USH2A: variants seen among roughly 807,000 people sequenced by gnomAD.
USH2A encodes usherin, also known as Usher syndrome 2A (autosomal recessive, mild).
In USH2A, 443 loss-of-function variants were observed where a neutral mutation model predicts 538.9. That is an observed-to-expected ratio of 0.82 (90% CI 0.76 to 0.89). The LOEUF (loss-of-function observed/expected upper bound fraction) is 0.89. Among genes scored for constraint, USH2A ranks in the 40% least tolerant of loss-of-function variants. USH2A has a pLI of 0.00. For synonymous variants in USH2A, 2,413 were observed against 2,273.5 expected (o/e 1.06, Z -1.75); for missense variants, 6,633 against 6,324.8 (o/e 1.05, Z -1.65).
At chr1:216,282,927 C>T (rs896414664) in intron 11 of USH2A, among the ~76,000 whole-genome samples, 2 of 152,102 alleles carry the variant, frequency 1.3e-5, no homozygotes, top group East Asian at 3.8e-4. Context: ...TTTTACACTT[C>T]TTTTACTAAA....
At chr1:215,628,724 G>T in intron 71 of USH2A, 90 bp downstream of exon 71, 2 of 1,368,684 alleles carry the variant, frequency 1.5e-6, no homozygotes, top group South Asian at 2.3e-5. Flanking sequence ...CGAGTGCCAT[G>T]GGGCAGCATT....
intron 22 of USH2A, among the ~76,000 whole-genome samples, chr1:216,092,868 G>T (rs1360644233): frequency 6.6e-6 from 1 of 152,008 alleles, no homozygotes; most frequent in African/African-American, 2.4e-5. Flanking sequence ...GAAAACTCAA[G>T]CAGTTTTACC....
intron 61 of USH2A, among the ~76,000 whole-genome samples, chr1:215,697,032 A>G (rs1009417865): frequency 2.6e-5 from 4 of 151,946 alleles, no homozygotes; most frequent in African/African-American, 7.3e-5. Flanking sequence ...TGTTCACTGC[A>G]GCCTTGACCT....
At chr1:215,801,858 T>C (rs574529685) in intron 49 of USH2A, among the ~76,000 whole-genome samples, 33 of 152,114 alleles carry the variant, frequency 2.2e-4, no homozygotes, top group Non-Finnish European at 4.1e-4. Flanking sequence ...TCCCACTTTC[T>C]GATTTCAAAA....
chr1:216,042,281 A>G (rs1250208582), intron 32 of USH2A, among the ~76,000 whole-genome samples: 4 of 152,054 alleles, frequency 2.6e-5, no homozygotes, highest in Non-Finnish European at 4.4e-5. Flanking sequence ...ATGAGTTTCA[A>G]TATGACAGGA....
chr1:215,638,674 T>C (rs1309494490), intron 69 of USH2A, among the ~76,000 whole-genome samples: 2 of 145,300 alleles, frequency 1.4e-5, no homozygotes, highest in African/African-American at 5.1e-5. Context: ...ATAAGTTCCA[T>C]GAGGACTTTT....
chr1:215,839,882 G>A (rs1663627778), intron 46 of USH2A, among the ~76,000 whole-genome samples: 1 of 152,108 alleles, frequency 6.6e-6, no homozygotes, highest in Non-Finnish European at 1.5e-5. Context: ...ACTTGGCTAG[G>A]TGCAGTGGCT....
chr1:216,038,440 A>G (rs369542074), intron 32 of USH2A, among the ~76,000 whole-genome samples: 1 of 151,910 alleles, frequency 6.6e-6, no homozygotes, highest in African/African-American at 2.4e-5. Flanking sequence ...GAAAAAATTG[A>G]AATCCTCACA....
At chr1:216,235,684 A>G (rs1469417512) in intron 13 of USH2A, among the ~76,000 whole-genome samples, 1 of 152,206 alleles carries the variant, frequency 6.6e-6, no homozygotes. Context: ...CCCATTTCCC[A>G]GCAATGTCTC....
chr1:216,359,420 C>T (rs988189909), intron 4 of USH2A, among the ~76,000 whole-genome samples: 3 of 151,960 alleles, frequency 2.0e-5, no homozygotes, highest in African/African-American at 7.2e-5. Flanking sequence ...TATTAAACCA[C>T]CATTTAATAG....
chr1:216,016,738 A>C (rs1335404389), intron 32 of USH2A, among the ~76,000 whole-genome samples: 1 of 152,134 alleles, frequency 6.6e-6, no homozygotes, highest in Admixed American at 6.6e-5. Context: ...ACCTTTCTGC[A>C]ATAAGAAAAC....
chr1:216,050,856 C>T (rs1267084297), intron 30 of USH2A, among the ~76,000 whole-genome samples: 5 of 151,812 alleles, frequency 3.3e-5, no homozygotes, highest in South Asian at 2.1e-4. Flanking sequence ...CCACCCGCCT[C>T]GGCCTCCCAA....
intron 4 of USH2A, among the ~76,000 whole-genome samples, chr1:216,328,181 AC>A (rs1421753016): frequency 2.6e-5 from 4 of 152,134 alleles, no homozygotes; most frequent in African/African-American, 9.7e-5. Context: ...AAGACTTCCT[AC>A]TTGTAGGTTC....
rs560800658 is a variant in USH2A at position 215,899,759 on chromosome 1, T to G, written c.7594+316A>C. Among the ~76,000 whole-genome samples the G allele has an allele frequency of 2.0e-5, 3 of 152,274 alleles. No homozygotes were observed. The South Asian group carries it at 6.2e-4, about 32-fold the overall frequency. On this transcript the variant is annotated intron_variant, in intron 40 of 71. Transcript: ENST00000307340. ...CTCCGAAACAGAGAACATTCAGTCATAAAGCAGAAGATGACAACCTTTCTC... is the reference window on the plus strand; with the variant it reads ...CTCCGAAACAGAGAACATTCAGTCAGAAAGCAGAAGATGACAACCTTTCTC...
chr1:216,412,069 G>T (rs1436797356), intron 3 of USH2A, among the ~76,000 whole-genome samples: 3 of 152,082 alleles, frequency 2.0e-5, no homozygotes, highest in Non-Finnish European at 4.4e-5. Flanking sequence ...ATAGCAGGAA[G>T]TTATAGGCTA....
At chr1:215,852,931 C>T (rs1664057459) in intron 44 of USH2A, among the ~76,000 whole-genome samples, 1 of 152,174 alleles carries the variant, frequency 6.6e-6, no homozygotes, top group Admixed American at 6.5e-5. Context: ...ATTGTCTGTG[C>T]TTTTCCAGGT....
At chr1:215,818,910 T>C (rs1355502937) in intron 47 of USH2A, among the ~76,000 whole-genome samples, 1 of 151,816 alleles carries the variant, frequency 6.6e-6, no homozygotes, top group Non-Finnish European at 1.5e-5. Context: ...ATTCTTGCAG[T>C]GTAGCACAGC....
intron 35 of USH2A, among the ~76,000 whole-genome samples, chr1:215,992,438 C>T (rs777605465): frequency 3.3e-5 from 5 of 152,054 alleles, no homozygotes; most frequent in East Asian, 1.9e-4. Context: ...CTAAACTGTA[C>T]AAAAACATAT....
chr1:215,793,250 C>T (rs75313145), intron 50 of USH2A, among the ~76,000 whole-genome samples: 13,752 of 151,964 alleles, frequency 0.09, 845 homozygotes, highest in Non-Finnish European at 0.13. Flanking sequence ...AATTATGTAT[C>T]ATGCCTTTGA....
Sources: gnomAD v4.1 joint callset for allele counts (sites outside exome capture counted in the v4.1 genomes callset) on GRCh38, gnomAD v4.1.1 for gene constraint, MANE v1.5 for transcripts, NCBI Gene and HGNC (gene_info 2026-07-23, HGNC 2026-07-21) for gene names.